The following RAB11FIP2 variants were observed in gnomAD, a reference collection of about 807,000 sequenced individuals.
RAB11FIP2 encodes the protein RAB11 family interacting protein 2.
A neutral mutation model predicts 40.9 loss-of-function variants in RAB11FIP2; 16 were observed. The ratio of observed to expected loss-of-function variants is 0.39; its 90% CI spans 0.26 to 0.59. The LOEUF is 0.59. RAB11FIP2 is among the 20% of genes least tolerant of loss of function. The pLI is 0.53. For synonymous variants in RAB11FIP2, 228 were observed against 213.7 expected (o/e 1.07, Z -0.58); for missense variants, 532 against 606.2 (o/e 0.88, Z 1.28).
chr10:118,042,571 A>G (rs962181242), intron 1 of RAB11FIP2, among the ~76,000 whole-genome samples: 5 of 152,190 alleles, frequency 3.3e-5, no homozygotes, highest in African/African-American at 9.7e-5. Flanking sequence ...GAGACATGAG[A>G]GCTGAAGAGA....
In RAB11FIP2 at chr10:118,005,066, G is replaced by A. The variant is rs1296504956; in HGVS notation, c.*3932C>T. The A allele has an allele frequency of 6.6e-6, 1 of 152,586 alleles. No individual in the cohort carries two copies. The highest frequency in any genetic ancestry group is 1.5e-5 in the Non-Finnish European group (1 of 68,028). The allele number at this position is 152,586 out of a possible 1,614,324, so 9.5% of individuals were successfully genotyped here. ...TTTGTACCTGCAAAAATGTATACAA[G>A]TTATGAGAGCATTTACTTAAGAAGA... is the stretch of plus-strand genomic sequence containing the variant. On this transcript the variant is annotated 3_prime_UTR_variant, in exon 5 of 5. Coordinates refer to ENST00000355624, the MANE Select transcript of RAB11FIP2 (RefSeq NM_014904.3).
chr10:118,046,183 C>T lies in RAB11FIP2; in HGVS notation c.-20G>A, dbSNP rs749240351. The T allele has an allele frequency of 6.2e-7, 1 of 1,602,162 alleles. No homozygotes were observed. Among genetic ancestry groups the T allele is most frequent in the Non-Finnish European group, 8.5e-7 (1 of 1,171,532 alleles). On this transcript the variant is annotated 5_prime_UTR_variant, in exon 1 of 5. Coordinates refer to ENST00000355624, the MANE Select transcript of RAB11FIP2 (RefSeq NM_014904.3). Reference sequence around the variant, plus strand: ...CATCATCCTGTCCTGTTTCTCTGCCCCCGAGTTCCCTAGCACAGGCAGTGC... The same window carrying T: ...CATCATCCTGTCCTGTTTCTCTGCCTCCGAGTTCCCTAGCACAGGCAGTGC...
Position 118,039,231 on chromosome 10 carries a change from T to G in RAB11FIP2, c.1006A>C (p.Met336Leu). Residue 336 changes from methionine to leucine, a missense_variant, in exon 3 of 5, where the codon ATG becomes CTG. Transcript: ENST00000355624. ...TCAATTGGTTTTGAAAATAAATTCATGCTGCTGTCCCATGTTTCGCTGCTT... is the reference window on the plus strand; with the variant it reads ...TCAATTGGTTTTGAAAATAAATTCAGGCTGCTGTCCCATGTTTCGCTGCTT... ...EESSETWDSS[M>L]NLFSKPIEIR... 1.9e-6 allele frequency: 3 copies of G among 1,613,850 alleles called. No individual in the cohort carries two copies. Among genetic ancestry groups the G allele is most frequent in the Non-Finnish European group, 2.5e-6 (3 of 1,179,798 alleles).
chr10:118,019,903 A>G (rs1424740002), intron 3 of RAB11FIP2, among the ~76,000 whole-genome samples: 1 of 152,158 alleles, frequency 6.6e-6, no homozygotes, highest in Non-Finnish European at 1.5e-5. Flanking sequence ...ACATAATATA[A>G]CAAAAATCTT....
intron 4 of RAB11FIP2, among the ~76,000 whole-genome samples, chr10:118,011,809 T>C (rs552497321): frequency 6.6e-6 from 1 of 152,214 alleles, no homozygotes; most frequent in South Asian, 2.1e-4. Flanking sequence ...CTTGTGAGAA[T>C]TGCAGGGATT....
intron 2 of RAB11FIP2, 158 bp from the exon 3 acceptor site, chr10:118,039,598 G>A (rs1016968857): frequency 1.4e-5 from 9 of 657,738 alleles, no homozygotes; most frequent in Non-Finnish European, 2.0e-5. Flanking sequence ...AAAATGCTAA[G>A]GTGTAGCAGT....
chr10:118,016,611 A>C (rs960570088), intron 3 of RAB11FIP2, among the ~76,000 whole-genome samples: 3 of 152,172 alleles, frequency 2.0e-5, no homozygotes. Flanking sequence ...ATCTCACAGC[A>C]TGTTTTCTAA....
chr10:118,008,278 T>A lies in RAB11FIP2; in HGVS notation c.*720A>T, dbSNP rs913642389. 1 of 152,302 alleles carries A rather than the reference T, an allele frequency of 6.6e-6. No homozygotes were observed. Among genetic ancestry groups the A allele is most frequent in the African/African-American group, 2.4e-5 (1 of 41,430 alleles). 9.4% of individuals were successfully genotyped at this position (152,302 alleles called of 1,614,324 possible). On this transcript the variant is annotated 3_prime_UTR_variant, in exon 5 of 5. Transcript: ENST00000355624. ...GAAAAACTTTGATGCTAGAATAATA[T>A]ATAGCAGCTCACTTTGAAACCAAGG... is the stretch of plus-strand genomic sequence containing the variant.
chr10:118,044,088 C>A (rs184953031), intron 1 of RAB11FIP2, among the ~76,000 whole-genome samples: 1 of 152,256 alleles, frequency 6.6e-6, no homozygotes, highest in East Asian at 1.9e-4. Context: ...TAGAGAATTT[C>A]TATAAGGAGA....
In RAB11FIP2 at chr10:118,007,470, T is replaced by G. The variant is rs1201175018; in HGVS notation, c.*1528A>C. ...AGCAAAAAAAAAAAACCCAAACTAT[T>G]ATATCGGCTTTTTGTTTAACTTTCA... On this transcript the variant is annotated 3_prime_UTR_variant, in exon 5 of 5. Transcript: ENST00000355624. 6.6e-6 allele frequency: 1 copy of G among 151,758 alleles called. No homozygotes were observed. Among genetic ancestry groups the G allele is most frequent in the Non-Finnish European group, 1.5e-5 (1 of 67,872 alleles). 9.4% of individuals were successfully genotyped at this position (151,758 alleles called of 1,614,324 possible).
intron 3 of RAB11FIP2, among the ~76,000 whole-genome samples, chr10:118,037,677 T>C (rs889888181): frequency 4.6e-5 from 7 of 152,090 alleles, no homozygotes; most frequent in Admixed American, 2.0e-4. Flanking sequence ...ATGGAGGTCA[T>C]AGCACTTCTA....
chr10:118,008,050 TATA>T lies in RAB11FIP2; in HGVS notation c.*945_*947del, dbSNP rs1480508015. ...CCACAATTATTTTCAGATATAACTT[TATA>T]ATATTTGCTTTGCTAGTGATTTAAA... On this transcript the variant is annotated 3_prime_UTR_variant, in exon 5 of 5. Transcript: ENST00000355624. 6.6e-6 allele frequency: 1 copy of T among 152,560 alleles called. No homozygotes were observed. Among genetic ancestry groups the T allele is most frequent in the Non-Finnish European group, 1.5e-5 (1 of 68,004 alleles). The allele number at this position is 152,560 out of a possible 1,614,324, so 9.5% of individuals were successfully genotyped here.
chr10:118,011,071 G>T (rs1846149034), intron 4 of RAB11FIP2, among the ~76,000 whole-genome samples: 1 of 152,076 alleles, frequency 6.6e-6, no homozygotes, highest in Non-Finnish European at 1.5e-5. Context: ...AAAGTAAAAT[G>T]GCAACAGTGG....
At position 118,040,508 on chromosome 10, in the gene RAB11FIP2, C is replaced by G; in HGVS notation, c.411G>C (p.Lys137Asn). ...GKRIKNRGEI[K>N]VNIQFMRNNM... is the part of the protein sequence containing the mutation. ...TGTTCCTCATAAACTGAATATTGAC[C>G]TTTATCTCACCCCTGTTTTTGATTC... The change falls in exon 2 of 5, where the codon AAG (lysine) becomes AAC (asparagine). Residue 137 changes from lysine to asparagine, a missense_variant. Transcript: ENST00000355624. The G allele has an allele frequency of 1.2e-6, 2 of 1,612,718 alleles. No individual in the cohort carries two copies. The highest frequency in any genetic ancestry group is 1.7e-6 in the Non-Finnish European group (2 of 1,179,452).
intron 3 of RAB11FIP2, among the ~76,000 whole-genome samples, chr10:118,031,151 T>C (rs1156336640): frequency 1.3e-5 from 2 of 152,120 alleles, no homozygotes; most frequent in Admixed American, 6.6e-5. Flanking sequence ...TCTTTAACAC[T>C]AGACAAATAT....
chr10:118,042,104 T>C (rs369566770), intron 1 of RAB11FIP2, among the ~76,000 whole-genome samples: 1 of 152,044 alleles, frequency 6.6e-6, no homozygotes, highest in Non-Finnish European at 1.5e-5. Context: ...CTATTTTCAA[T>C]AGGGAGAGAA....
intron 1 of RAB11FIP2, among the ~76,000 whole-genome samples, chr10:118,042,852 G>T (rs1846578126): frequency 6.6e-6 from 1 of 151,828 alleles, no homozygotes; most frequent in Non-Finnish European, 1.5e-5. Flanking sequence ...AAACTGCAAA[G>T]AACTTTTACA....
chr10:118,007,620 T>C lies in RAB11FIP2; in HGVS notation c.*1378A>G, dbSNP rs946267349. On this transcript the variant is annotated 3_prime_UTR_variant, in exon 5 of 5. Transcript: ENST00000355624. ...TTCAGAAAGACATAGATACTCTCAG[T>C]GTTTTATAGTATTTCAGACTTTAAA... 2.0e-5 allele frequency: 3 copies of C among 152,054 alleles called. No individual in the cohort carries two copies. Among genetic ancestry groups the C allele is most frequent in the African/African-American group, 7.2e-5 (3 of 41,408 alleles). 9.4% of individuals were successfully genotyped at this position (152,054 alleles called of 1,614,324 possible).
Position 118,046,167 on chromosome 10 carries a change from G to GTCCTGTT in RAB11FIP2, c.-11_-5dup. 6.2e-7 allele frequency: 1 copy of GTCCTGTT among 1,610,500 alleles called. No individual in the cohort carries two copies. Among genetic ancestry groups the GTCCTGTT allele is most frequent in the Non-Finnish European group, 8.5e-7 (1 of 1,177,580 alleles). On this transcript the variant is annotated 5_prime_UTR_variant, in exon 1 of 5. Transcript: ENST00000355624. ...GGGCTTGCTCGGACAGCATCATCCT[G>GTCCTGTT]TCCTGTTTCTCTGCCCCCGAGTTCC...
Sources: gnomAD v4.1 joint callset for allele counts (sites outside exome capture counted in the v4.1 genomes callset) on GRCh38, gnomAD v4.1.1 for gene constraint, MANE v1.5 for transcripts, NCBI Gene and HGNC (gene_info 2026-07-23, HGNC 2026-07-21) for gene names.